SI: variants seen among roughly 807,000 people sequenced by gnomAD.
SI encodes sucrase-isomaltase, intestinal.
A neutral mutation model predicts 253.3 loss-of-function variants in SI; 235 were observed. That is an observed-to-expected ratio of 0.93 (90% CI 0.83 to 1.03). The LOEUF is 1.03. SI is among the 50% of genes least tolerant of loss of function. The probability of loss-of-function intolerance (pLI) is 0.00; values close to 1 mark genes in which losing one functional copy is unlikely to be tolerated. For synonymous variants in SI, 819 were observed against 712.0 expected (o/e 1.15, Z -2.39); for missense variants, 2,442 against 2,211.1 (o/e 1.10, Z -2.09).
At chr3:165,027,637 G>A (rs1711998687) in intron 25 of SI, among the ~76,000 whole-genome samples, 1 of 151,456 alleles carries the variant, frequency 6.6e-6, no homozygotes, top group Non-Finnish European at 1.5e-5. Context: ...TCATACTAGG[G>A]ATACGGGGAT....
chr3:165,003,875 A>G (rs937983160), intron 37 of SI, among the ~76,000 whole-genome samples: 23 of 152,084 alleles, frequency 1.5e-4, no homozygotes, highest in African/African-American at 5.3e-4. Context: ...ATAAGAAGAA[A>G]TGAAAGAGGA....
upstream of SI, among the ~76,000 whole-genome samples, chr3:165,082,322 G>T (rs1715363673): frequency 6.6e-6 from 1 of 151,810 alleles, no homozygotes; most frequent in Non-Finnish European, 1.5e-5. Flanking sequence ...GCTGCTACTG[G>T]TATAACAATT....
At chr3:165,022,821 A>G (rs1324119717) in intron 26 of SI, among the ~76,000 whole-genome samples, 2 of 151,706 alleles carry the variant, frequency 1.3e-5, no homozygotes, top group Non-Finnish European at 3.0e-5. Flanking sequence ...TAAGATTTAT[A>G]TGAAAATACT....
intron 33 of SI, among the ~76,000 whole-genome samples, chr3:165,014,311 C>T (rs553937310): frequency 2.6e-5 from 4 of 151,904 alleles, no homozygotes; most frequent in East Asian, 3.9e-4. Context: ...TTCAGTGGCT[C>T]GATCTTGGCT....
chr3:165,082,066 C>A (rs1196891972), upstream of SI, among the ~76,000 whole-genome samples: 1 of 151,876 alleles, frequency 6.6e-6, no homozygotes, highest in Non-Finnish European at 1.5e-5. Flanking sequence ...AGATGTATCT[C>A]TAGATGTAAC....
At chr3:165,068,466 C>T (rs909511788) in intron 5 of SI, among the ~76,000 whole-genome samples, 11 of 152,092 alleles carry the variant, frequency 7.2e-5, no homozygotes, top group Admixed American at 2.6e-4. Flanking sequence ...CCCCAACTCC[C>T]GGGTTCTCGC....
At position 164,995,454 on chromosome 3, in the gene SI, T is replaced by C. The variant is rs150003203; in HGVS notation, c.4693-1049A>G. 5.9e-5 allele frequency among the ~76,000 whole-genome samples: 9 copies of C among 151,962 alleles called. No individual in the cohort carries two copies. In the East Asian group the frequency reaches 1.7e-3, roughly 29 times the overall value. ...AAGCATCTAATTCTAAACTATACAA[T>C]TCGAGTAATACATTTCAATAGTTCA... On this transcript the variant is annotated intron_variant, in intron 40 of 47. Transcript: ENST00000264382.
At chr3:165,007,461 A>G (rs1426695383) in intron 36 of SI, among the ~76,000 whole-genome samples, 1 of 152,078 alleles carries the variant, frequency 6.6e-6, no homozygotes, top group African/African-American at 2.4e-5. Context: ...AGGTAAACAG[A>G]TAAGTGTTAG....
At chr3:164,980,907 C>T (rs898887423) in intron 47 of SI, among the ~76,000 whole-genome samples, 2 of 151,796 alleles carry the variant, frequency 1.3e-5, no homozygotes, top group East Asian at 1.9e-4. Flanking sequence ...TAAGCCAAAC[C>T]GTCTTTTCTT....
At chr3:165,049,916 T>C in intron 13 of SI, 41 bp from the exon 14 acceptor site, 1 of 1,218,234 alleles carries the variant, frequency 8.2e-7, no homozygotes, top group Non-Finnish European at 1.2e-6. Context: ...TTTTACATAA[T>C]TATAAATCCT....
At chr3:165,048,567 G>GTATGTA (rs1553775980) in intron 15 of SI, among the ~76,000 whole-genome samples, 1 of 123,848 alleles carries the variant, frequency 8.1e-6, no homozygotes, top group Non-Finnish European at 1.7e-5. Flanking sequence ...ATATATATAT[G>GTATGTA]TATATATATA....
intron 16 of SI, among the ~76,000 whole-genome samples, chr3:165,044,825 A>G (rs2108225362): frequency 6.6e-6 from 1 of 152,014 alleles, no homozygotes; most frequent in Non-Finnish European, 1.5e-5. Flanking sequence ...TATTTCTCTA[A>G]CCTGATGTCA....
chr3:165,068,588 T>C, intron 5 of SI, 134 bp downstream of exon 5: 1 of 723,664 alleles, frequency 1.4e-6, no homozygotes, highest in Non-Finnish European at 2.5e-6. Context: ...TTAGCCAGGA[T>C]GGTCTCCATC....
intron 16 of SI, among the ~76,000 whole-genome samples, chr3:165,045,197 C>T (rs1033367797): frequency 6.6e-6 from 1 of 151,958 alleles, no homozygotes; most frequent in African/African-American, 2.4e-5. Context: ...TTAGAGTCAC[C>T]TTTTATGTTT....
At position 164,984,430 on chromosome 3, in the gene SI, C is replaced by G. The variant is rs145560017; in HGVS notation, c.5198-1379G>C. Among the ~76,000 whole-genome samples, 99 of 151,982 alleles carry G rather than the reference C, an allele frequency of 6.5e-4. 2 individuals are homozygous for G. The highest frequency in any genetic ancestry group is 2.1e-3 in the African/African-American group (86 of 41,486). On this transcript the variant is annotated intron_variant, in intron 45 of 47. Transcript: ENST00000264382. ...CATATTAGTGTCAATATTCCTTAAC[C>G]ATTTTAGTTCTTATTTTCAAATATA...
intron 43 of SI, among the ~76,000 whole-genome samples, chr3:164,991,679 C>T (rs1364121438): frequency 6.6e-6 from 1 of 151,954 alleles, no homozygotes; most frequent in African/African-American, 2.4e-5. Flanking sequence ...TGTTGTATAC[C>T]TTAAATATAC....
chr3:165,043,602 G>GAGGA lies in SI; in HGVS notation c.1888-428_1888-427insTCCT, dbSNP rs556717553. On this transcript the variant is annotated intron_variant, in intron 16 of 47. Coordinates refer to ENST00000264382, the MANE Select transcript of SI (RefSeq NM_001041.4). ...AACTGTGACCATGTGTTCATGTTGA[G>GAGGA]CTTTGAAATTAATTATTCTGAATAA... Among the ~76,000 whole-genome samples the GAGGA allele has an allele frequency of 2.4e-4, 37 of 152,064 alleles. 2 individuals carry two copies. The South Asian group carries it at 7.7e-3, about 32-fold the overall frequency.
intron 16 of SI, among the ~76,000 whole-genome samples, chr3:165,045,953 C>T (rs1432108351): frequency 6.6e-6 from 1 of 151,206 alleles, no homozygotes; most frequent in East Asian, 2.0e-4. Context: ...CCTGCCTCAG[C>T]TTCCCAAGTA....
intron 2 of SI, among the ~76,000 whole-genome samples, chr3:165,075,327 G>A (rs377710651): frequency 4.6e-5 from 7 of 152,020 alleles, no homozygotes; most frequent in Admixed American, 1.3e-4. Flanking sequence ...ATACTGATTT[G>A]CTCAAGAGAG....
Sources: gnomAD v4.1 joint callset for allele counts (sites outside exome capture counted in the v4.1 genomes callset) on GRCh38, gnomAD v4.1.1 for gene constraint, MANE v1.5 for transcripts, NCBI Gene and HGNC (gene_info 2026-07-23, HGNC 2026-07-21) for gene names.